The following POU6F2 variants were observed in gnomAD, a reference collection of about 807,000 sequenced individuals.
The protein encoded by POU6F2 is POU domain, class 6, transcription factor 2.
POU6F2 carries 31 observed loss-of-function variants against 71.3 expected under a neutral mutation model. The ratio of observed to expected loss-of-function variants is 0.43; its 90% CI spans 0.33 to 0.59. The LOEUF is 0.59. Ranked by LOEUF, POU6F2 falls within the 20% of genes least tolerant of loss-of-function variation. The probability of loss-of-function intolerance (pLI) is 0.04; values close to 1 mark genes in which losing one functional copy is unlikely to be tolerated. For synonymous variants in POU6F2, 347 were observed against 355.7 expected, an observed-to-expected ratio of 0.98 and a Z score of 0.27; for missense variants, 783 against 856.8, an observed-to-expected ratio of 0.91 and a Z score of 1.07.
At chr7:39,358,611 G>C (rs1466452441) in intron 5 of POU6F2, among the ~76,000 whole-genome samples, 4 of 152,180 alleles carry the variant, frequency 2.6e-5, no homozygotes, top group African/African-American at 9.7e-5. Context: ...TTAATAAAGA[G>C]ATGTTATTTA....
chr7:39,447,456 T>C (rs1322218321), intron 7 of POU6F2, among the ~76,000 whole-genome samples: 1 of 152,174 alleles, frequency 6.6e-6, no homozygotes, highest in Non-Finnish European at 1.5e-5. Flanking sequence ...CAGACTTACA[T>C]GGATTGAAAG....
intron 8 of POU6F2, among the ~76,000 whole-genome samples, chr7:39,456,271 A>G (rs901684144): frequency 6.6e-6 from 1 of 152,204 alleles, no homozygotes. Context: ...CCCCAGAGCC[A>G]GGAGAATAGA....
intron 1 of POU6F2, among the ~76,000 whole-genome samples, chr7:39,073,505 A>G (rs1480617619): frequency 6.6e-6 from 1 of 151,974 alleles, no homozygotes; most frequent in African/African-American, 2.4e-5. Flanking sequence ...CCTTGGAATT[A>G]TGTTATCTCT....
At chr7:39,193,121 A>T (rs1355803265) in intron 2 of POU6F2, among the ~76,000 whole-genome samples, 1 of 152,178 alleles carries the variant, frequency 6.6e-6, no homozygotes, top group African/African-American at 2.4e-5. Context: ...AGGGATGCCA[A>T]TGCTGCTGGC....
At chr7:39,107,369 C>T (rs1489313808) in intron 2 of POU6F2, among the ~76,000 whole-genome samples, 1 of 151,956 alleles carries the variant, frequency 6.6e-6, no homozygotes, top group East Asian at 1.9e-4. Flanking sequence ...ATGAGCTCTT[C>T]ATATTAAAAA....
At chr7:39,176,977 C>G (rs565774478) in intron 2 of POU6F2, among the ~76,000 whole-genome samples, 2 of 152,180 alleles carry the variant, frequency 1.3e-5, no homozygotes, top group Non-Finnish European at 2.9e-5. Flanking sequence ...CCTTTGCAGC[C>G]GCATCTCATG....
intron 5 of POU6F2, among the ~76,000 whole-genome samples, chr7:39,405,551 A>C (rs1201000516): frequency 1.3e-5 from 2 of 152,178 alleles, no homozygotes; most frequent in African/African-American, 4.8e-5. Context: ...CAATTGTTGT[A>C]CTTGAGAGAA....
intron 5 of POU6F2, among the ~76,000 whole-genome samples, chr7:39,372,902 G>GATA (rs145782806): frequency 0.011 from 1,700 of 150,816 alleles, 10 homozygotes; most frequent in Non-Finnish European, 0.018. Context: ...TAATAGTAAG[G>GATA]ATAATAATAA....
rs73363803 is a variant in POU6F2 at position 39,094,898 on chromosome 7, G to T, written c.277+8867G>T. Among the ~76,000 whole-genome samples, 968 of 152,222 alleles carry T rather than the reference G, an allele frequency of 6.4e-3. 10 individuals are homozygous for T. The highest frequency in any genetic ancestry group is 0.022 in the African/African-American group (928 of 41,538). ...TGTATACACATGGAAGTCATGTGGG[G>T]AGTGAAATGCACTTCATCAAAACTG... On this transcript the variant is annotated intron_variant, in intron 2 of 9. Coordinates refer to ENST00000518318, the MANE Select transcript of POU6F2 (RefSeq NM_001370959.1).
At chr7:39,381,603 G>C (rs1451974217) in intron 5 of POU6F2, among the ~76,000 whole-genome samples, 1 of 151,936 alleles carries the variant, frequency 6.6e-6, no homozygotes. Flanking sequence ...TTTCACCTTG[G>C]GTCACATTTC....
chr7:39,458,811 G>T (rs4723864), intron 8 of POU6F2, among the ~76,000 whole-genome samples: 142,172 of 152,134 alleles, frequency 0.93, 66,528 homozygotes, highest in East Asian at 1. Flanking sequence ...CTACCAACCT[G>T]ACAGGTCCCT....
In POU6F2 at chr7:38,985,007, G is replaced by T. The variant is rs1029372628; in HGVS notation, c.105+6949G>T. 2.6e-5 allele frequency: 4 copies of T among 152,032 alleles called. 1 individual carries two copies. The highest frequency in any genetic ancestry group is 5.9e-5 in the Non-Finnish European group (4 of 68,000). 9.4% of individuals were successfully genotyped at this position (152,032 alleles called of 1,614,324 possible). On this transcript the variant is annotated intron_variant, in intron 1 of 9. Transcript: ENST00000518318. ...ATACAGATTTTTTTAAAGGAAGTAG[G>T]TTTTTGTTGAGAGTAAAAGGTAAAT...
chr7:39,090,757 A>G (rs755264745), intron 2 of POU6F2, among the ~76,000 whole-genome samples: 10 of 152,208 alleles, frequency 6.6e-5, no homozygotes, highest in Non-Finnish European at 1.3e-4. Context: ...AAGTTTTGCT[A>G]AAGAAATATT....
At chr7:39,443,194 A>C (rs1454629760) in intron 7 of POU6F2, among the ~76,000 whole-genome samples, 1 of 152,194 alleles carries the variant, frequency 6.6e-6, no homozygotes, top group African/African-American at 2.4e-5. Context: ...TCTTCACTGC[A>C]GGATTGGAGA....
chr7:39,151,395 G>A (rs762362842), intron 2 of POU6F2, among the ~76,000 whole-genome samples: 2 of 152,096 alleles, frequency 1.3e-5, no homozygotes, highest in South Asian at 2.1e-4. Flanking sequence ...CTCTCTGGGG[G>A]CCCATTAGCT....
intron 5 of POU6F2, among the ~76,000 whole-genome samples, chr7:39,395,329 C>A (rs1406726565): frequency 6.6e-5 from 10 of 152,132 alleles, no homozygotes; most frequent in Admixed American, 6.5e-4. Context: ...TTCTCAACAC[C>A]ACACCTTTGA....
intron 4 of POU6F2, among the ~76,000 whole-genome samples, chr7:39,275,168 A>G (rs1784413429): frequency 6.6e-6 from 1 of 152,204 alleles, no homozygotes. Flanking sequence ...TCTCAGCCCA[A>G]AATCTCCTTA....
intron 4 of POU6F2, among the ~76,000 whole-genome samples, chr7:39,318,741 C>G (rs901319984): frequency 6.6e-6 from 1 of 152,168 alleles, no homozygotes; most frequent in Non-Finnish European, 1.5e-5. Flanking sequence ...TCCCTTACCC[C>G]CAAATGACGA....
At chr7:39,225,433 T>C (rs1412348646) in intron 4 of POU6F2, among the ~76,000 whole-genome samples, 1 of 152,180 alleles carries the variant, frequency 6.6e-6, no homozygotes, top group African/African-American at 2.4e-5. Flanking sequence ...CAAGATTACC[T>C]TTTCTAACTG....
Sources: allele counts gnomAD v4.1 joint callset (sites outside exome capture counted in the v4.1 genomes callset), GRCh38; gene constraint gnomAD v4.1.1; transcripts MANE v1.5; gene names NCBI Gene and HGNC (gene_info 2026-07-23, HGNC 2026-07-21).